TSC22D1: variants seen among roughly 807,000 people sequenced by gnomAD.
TSC22D1 encodes TSC22 domain family protein 1.
A neutral mutation model predicts 74.2 loss-of-function variants in TSC22D1; 9 were observed. The ratio of observed to expected loss-of-function variants is 0.12; its 90% CI spans 0.07 to 0.21. The LOEUF is 0.21. Among genes scored for constraint, TSC22D1 ranks in the 10% least tolerant of loss-of-function variants. TSC22D1 has a pLI of 1.00. For missense variants in TSC22D1, 1,427 were observed against 1,304.7 expected, an observed-to-expected ratio of 1.09 and a Z score of -1.44; for synonymous variants, 586 against 492.5, an observed-to-expected ratio of 1.19 and a Z score of -2.51.
intron 1 of TSC22D1, among the ~76,000 whole-genome samples, chr13:44,449,408 G>A (rs1875946642): frequency 6.6e-6 from 1 of 152,362 alleles, no homozygotes; most frequent in South Asian, 2.1e-4. Context: ...AGAGCTGTGA[G>A]AAGACGAGTT....
intron 1 of TSC22D1, among the ~76,000 whole-genome samples, chr13:44,536,217 A>G (rs534164124): frequency 6.6e-6 from 1 of 151,918 alleles, no homozygotes; most frequent in South Asian, 2.1e-4. Flanking sequence ...GAGCCAAATT[A>G]TTACATTTTA....
rs550763831 is a variant in TSC22D1, at chr13:44,575,586, A to G, written c.489T>C (p.Thr163=). Residue 163 remains threonine (T), a synonymous_variant, in exon 1 of 3, where the codon ACT becomes ACC. Transcript: ENST00000458659. ...EILDVSLSRA[T]DLGEPERSSS... ...AGCTGCGTTCGGGCTCCCCTAAGTC[A>G]GTAGCCCTGGAAAGTGACACATCAA... 3.0e-5 allele frequency: 49 copies of G among 1,614,102 alleles called. 1 individual carries two copies. The South Asian group carries it at 3.2e-4, about 10-fold the overall frequency.
At chr13:44,521,147 A>AT (rs1397469279) in intron 1 of TSC22D1, among the ~76,000 whole-genome samples, 2 of 152,136 alleles carry the variant, frequency 1.3e-5, no homozygotes, top group African/African-American at 4.8e-5. Flanking sequence ...GAGCACCCAT[A>AT]TTGTCAATAC....
intron 1 of TSC22D1, among the ~76,000 whole-genome samples, chr13:44,568,455 G>A (rs1883525132): frequency 6.6e-6 from 1 of 152,124 alleles, no homozygotes; most frequent in African/African-American, 2.4e-5. Context: ...TTACTCTGCG[G>A]TAAAGTTAAC....
chr13:44,574,685 T>C lies in TSC22D1; in HGVS notation c.1390A>G (p.Ser464Gly), dbSNP rs1884073021. Reference sequence around the variant, plus strand: ...CTGCTCACTGAACTCCCACTAGTGCTCTCCCTTTCAGAAGTCACTTCTATC... The same window carrying C: ...CTGCTCACTGAACTCCCACTAGTGCCCTCCCTTTCAGAAGTCACTTCTATC... ...NPIEVTSERE[S>G]TSGSSVSSSV... The change falls in exon 1 of 3, where the codon AGC becomes GGC. Residue 464 changes from serine (S) to glycine (G), a missense_variant. Coordinates refer to ENST00000458659, the MANE Select transcript of TSC22D1 (RefSeq NM_183422.4). 6.2e-7 allele frequency: 1 copy of C among 1,614,138 alleles called. No homozygotes were observed. Among genetic ancestry groups the C allele is most frequent in the Admixed American group, 1.7e-5 (1 of 60,024 alleles).
At chr13:44,488,443 T>G (rs888121271) in intron 1 of TSC22D1, among the ~76,000 whole-genome samples, 1 of 152,252 alleles carries the variant, frequency 6.6e-6, no homozygotes, top group Admixed American at 6.5e-5. Context: ...TTCACCTGTT[T>G]TTTGCTTTTT....
At chr13:44,506,128 C>T (rs553742923) in intron 1 of TSC22D1, among the ~76,000 whole-genome samples, 3 of 152,010 alleles carry the variant, frequency 2.0e-5, no homozygotes, top group African/African-American at 4.8e-5. Flanking sequence ...GAAGGTATAA[C>T]GAAGTAATAA....
At chr13:44,442,574 T>C (rs1268052652) in intron 1 of TSC22D1, among the ~76,000 whole-genome samples, 1 of 152,132 alleles carries the variant, frequency 6.6e-6, no homozygotes, top group Non-Finnish European at 1.5e-5. Flanking sequence ...TAGTGATATA[T>C]GAGCAATAGA....
chr13:44,456,122 G>A (rs562583439), intron 1 of TSC22D1, among the ~76,000 whole-genome samples: 1 of 152,194 alleles, frequency 6.6e-6, no homozygotes, highest in Admixed American at 6.5e-5. Context: ...AAAGAATAAA[G>A]CCGTGGACCC....
At chr13:44,539,294 A>T (rs557835621) in intron 1 of TSC22D1, 1 of 985,298 alleles carries the variant, frequency 1.0e-6, no homozygotes, top group African/African-American at 1.7e-5. Flanking sequence ...AAAAGATCTA[A>T]TATGAAGTCC....
intron 1 of TSC22D1, among the ~76,000 whole-genome samples, chr13:44,459,650 C>T (rs371915046): frequency 2.0e-4 from 31 of 152,226 alleles, no homozygotes; most frequent in African/African-American, 5.5e-4. Flanking sequence ...GACCTAGGGG[C>T]TCCCCAACCC....
chr13:44,575,540 T>A lies in TSC22D1; in HGVS notation c.535A>T (p.Asn179Tyr). 6.2e-7 allele frequency: 1 copy of A among 1,614,020 alleles called. No homozygotes were observed. Among genetic ancestry groups the A allele is most frequent in the Non-Finnish European group, 8.5e-7 (1 of 1,180,006 alleles). ...ERSSSEETLN[N>Y]FQEAETPGAV... ...CCAGGTGTCTCGGCTTCCTGGAAGT[T>A]ATTTAGGGTCTCTTCTGAGGAGCTG... Residue 179 changes from asparagine (N) to tyrosine (Y), a missense_variant, in exon 1 of 3, where the codon AAC becomes TAC. Asn to Tyr is a moderately radical substitution (Grantham distance 143). Transcript: ENST00000458659.
rs1345733764 is a variant in TSC22D1, at chr13:44,574,211, G to C, written c.1864C>G (p.Pro622Ala). The change falls in exon 1 of 3, where the codon CCA becomes GCA. Residue 622 changes from proline (P) to alanine (A), a missense_variant. By Grantham distance (27) the Pro-to-Ala change is conservative. This residue lies in a region of TSC22D1 where 1,343 missense variants were observed against 1,191.5 expected (regional missense o/e 1.13). Transcript: ENST00000458659. ...PPVQTPLPGA[P>A]PPQQLQYGQQ... ...CCATACTGTAACTGTTGGGGTGGTG[G>C]TGCCCCTGGAAGGGGAGTTTGCACT... 4 of 1,614,136 alleles carry C rather than the reference G, an allele frequency of 2.5e-6. No homozygotes were observed. The highest frequency in any genetic ancestry group is 1.3e-5 in the African/African-American group (1 of 74,950).
chr13:44,454,461 CA>C (rs757994100), intron 1 of TSC22D1, among the ~76,000 whole-genome samples: 3 of 152,126 alleles, frequency 2.0e-5, no homozygotes, highest in Non-Finnish European at 2.9e-5. Context: ...AGAACGTTAT[CA>C]ACACCACTGA....
intron 1 of TSC22D1, among the ~76,000 whole-genome samples, chr13:44,463,420 A>G (rs1249399741): frequency 1.3e-5 from 2 of 152,208 alleles, no homozygotes; most frequent in Non-Finnish European, 2.9e-5. Flanking sequence ...GTTCTAGCTA[A>G]ACTGCAGTTT....
At chr13:44,452,481 G>C (rs1157739029) in intron 1 of TSC22D1, 1 of 152,272 alleles carries the variant, frequency 6.6e-6, no homozygotes, top group Non-Finnish European at 1.5e-5. Context: ...AGTGCTCCCA[G>C]AGCCCGAGCA....
At chr13:44,488,701 G>A (rs1878565792) in intron 1 of TSC22D1, among the ~76,000 whole-genome samples, 1 of 152,108 alleles carries the variant, frequency 6.6e-6, no homozygotes, top group African/African-American at 2.4e-5. Flanking sequence ...ATTGCATTCT[G>A]CATATATCAA....
chr13:44,573,581 C>A lies in TSC22D1; in HGVS notation c.2494G>T (p.Val832Phe), dbSNP rs771545551. 4 of 1,614,218 alleles carry A rather than the reference C, an allele frequency of 2.5e-6. No homozygotes were observed. The highest frequency in any genetic ancestry group is 3.4e-6 in the Non-Finnish European group (4 of 1,180,052). The change falls in exon 1 of 3, where the codon GTT becomes TTT. Residue 832 changes from valine (V) to phenylalanine (F), a missense_variant. Val to Phe is a conservative substitution (Grantham distance 50). This residue lies in a region of TSC22D1 where 1,343 missense variants were observed against 1,191.5 expected (regional missense o/e 1.13). Coordinates refer to ENST00000458659, the MANE Select transcript of TSC22D1 (RefSeq NM_183422.4). ...SSLPSASSIS[V>F]TSQVSSTGPS... ...CCAGTTGAACTAACCTGACTTGTAA[C>A]AGAAATACTACTAGCAGAGGGCAAA... is the stretch of plus-strand genomic sequence containing the variant.
intron 1 of TSC22D1, among the ~76,000 whole-genome samples, chr13:44,519,827 G>A (rs540856961): frequency 1.2e-4 from 19 of 152,204 alleles, no homozygotes; most frequent in African/African-American, 4.3e-4. Context: ...AGGATATATG[G>A]CTGAGATATT....
Sources: allele counts gnomAD v4.1 joint callset (sites outside exome capture counted in the v4.1 genomes callset), GRCh38; gene constraint gnomAD v4.1.1; regional missense constraint gnomAD v4.1.1; transcripts MANE v1.5; gene names NCBI Gene and HGNC (gene_info 2026-07-23, HGNC 2026-07-21).